PSMD7: variants seen among roughly 807,000 people sequenced by gnomAD.
PSMD7 encodes the protein 26S proteasome non-ATPase regulatory subunit 7.
In PSMD7, 13 loss-of-function variants were observed where a neutral mutation model predicts 36.4. The ratio of observed to expected loss-of-function variants is 0.36; its 90% confidence interval spans 0.23 to 0.57. PSMD7 has a LOEUF of 0.57. Among genes scored for constraint, PSMD7 ranks in the 20% least tolerant of loss-of-function variants. The pLI is 0.83. For synonymous variants in PSMD7, 186 were observed against 151.0 expected, an observed-to-expected ratio of 1.23 and a Z score of -1.70; for missense variants, 298 against 393.6, an observed-to-expected ratio of 0.76 and a Z score of 2.06.
At position 74,301,571 on chromosome 16, in the gene PSMD7, T is replaced by C. The variant is rs760488031; in HGVS notation, c.276T>C (p.Val92=). ...FKKVNARERI[V]GWYHTGPKLH... Reference sequence around the variant, plus strand: ...CCTTCCTAGCCAGGGAAAGAATAGTTGGCTGGTACCACACAGGCCCTAAAC... The same window carrying C: ...CCTTCCTAGCCAGGGAAAGAATAGTCGGCTGGTACCACACAGGCCCTAAAC... Residue 92 remains valine (V), a synonymous_variant, in exon 4 of 7, where the codon GTT becomes GTC. Coordinates refer to ENST00000219313, the MANE Select transcript of PSMD7 (RefSeq NM_002811.5). The C allele has an allele frequency of 6.2e-7, 1 of 1,612,998 alleles. No individual in the cohort carries two copies. The highest frequency in any genetic ancestry group is 2.2e-5 in the East Asian group (1 of 44,860).
At chr16:74,298,312 CAT>C (rs915033533) in intron 1 of PSMD7, among the ~76,000 whole-genome samples, 5 of 152,214 alleles carry the variant, frequency 3.3e-5, no homozygotes, top group African/African-American at 1.2e-4. Context: ...ACCTGTTGCA[CAT>C]GTTTCTAAGT....
intron 4 of PSMD7, among the ~76,000 whole-genome samples, 186 bp downstream of exon 4, chr16:74,301,838 C>A (rs1400120644): frequency 6.6e-6 from 1 of 152,036 alleles, no homozygotes; most frequent in African/African-American, 2.4e-5. Context: ...ATAGTTTATA[C>A]CTGCTAAGTA....
At chr16:74,298,377 C>G (rs1168838110) in intron 1 of PSMD7, among the ~76,000 whole-genome samples, 1 of 152,258 alleles carries the variant, frequency 6.6e-6, no homozygotes, top group Middle Eastern at 3.4e-3. Context: ...TTCAGAGCAT[C>G]TGCTATAAAG....
intron 1 of PSMD7, 82 bp from the exon 2 acceptor site, chr16:74,300,033 A>T: frequency 8.3e-7 from 1 of 1,201,572 alleles, no homozygotes; most frequent in Non-Finnish European, 1.2e-6. Context: ...TGTGCCATTG[A>T]TATTTCCCAT....
intron 1 of PSMD7, among the ~76,000 whole-genome samples, chr16:74,298,261 C>T (rs1268051237): frequency 2.6e-5 from 4 of 151,418 alleles, no homozygotes; most frequent in African/African-American, 9.7e-5. Context: ...TGAGGGTGTA[C>T]ATCCACCACC....
intron 2 of PSMD7, 92 bp downstream of exon 2, chr16:74,300,298 ACC>A: frequency 8.7e-7 from 1 of 1,144,380 alleles, no homozygotes; most frequent in Non-Finnish European, 1.3e-6. Context: ...TTTGACTACA[ACC>A]CAGAGATTGT....
chr16:74,302,642 C>A (rs1045543286), intron 5 of PSMD7, among the ~76,000 whole-genome samples: 1 of 152,050 alleles, frequency 6.6e-6, no homozygotes, highest in Admixed American at 6.6e-5. Context: ...ACTCAGGAGG[C>A]TGAGACGGGA....
chr16:74,305,065 T>C (rs1235387979), intron 6 of PSMD7: 1 of 614,508 alleles, frequency 1.6e-6, no homozygotes, highest in Non-Finnish European at 2.5e-6. Context: ...TATAATTGTT[T>C]TTTGAAAAAT....
intron 3 of PSMD7, 151 bp downstream of exon 3, chr16:74,301,295 A>G (rs1438780250): frequency 3.0e-6 from 2 of 668,724 alleles, no homozygotes; most frequent in African/African-American, 1.8e-5. Context: ...AGAATACATG[A>G]AAAACTAGAG....
intron 6 of PSMD7, among the ~76,000 whole-genome samples, chr16:74,304,948 G>A (rs1025543561): frequency 2.0e-5 from 3 of 152,188 alleles, no homozygotes; most frequent in Non-Finnish European, 4.4e-5. Context: ...AGCTGAGAGA[G>A]ACAGCTTCAG....
At chr16:74,300,471 T>C (rs118029597) in intron 2 of PSMD7, 5,364 of 466,754 alleles carry the variant, frequency 0.011, 95 homozygotes, top group Middle Eastern at 0.055. Context: ...CAAACAAAAG[T>C]GGCAGTATTC....
intron 5 of PSMD7, 81 bp downstream of exon 5, chr16:74,302,373 A>C (rs1485863539): frequency 1.7e-6 from 2 of 1,148,478 alleles, no homozygotes; most frequent in Non-Finnish European, 2.5e-6. Context: ...TTTTCAGGTC[A>C]ACAAATCCTT....
chr16:74,305,761 TG>T lies in PSMD7; in HGVS notation c.*29del, dbSNP rs1216304724. On this transcript the variant is annotated 3_prime_UTR_variant, in exon 7 of 7. Coordinates refer to ENST00000219313, the MANE Select transcript of PSMD7 (RefSeq NM_002811.5). Reference sequence around the variant, plus strand: ...CATGTATTAAATAGCTTTTTTAATTTGTAAATTAAAATCTTACAAACTAAAT... The same window carrying T: ...CATGTATTAAATAGCTTTTTTAATTTTAAATTAAAATCTTACAAACTAAAT... 1 of 1,411,084 alleles carries T rather than the reference TG, an allele frequency of 7.1e-7. No individual in the cohort carries two copies. The highest frequency in any genetic ancestry group is 1.4e-5 in the African/African-American group (1 of 69,246). 87.4% of individuals were successfully genotyped at this position (1,411,084 alleles called of 1,614,324 possible). A position where few individuals can be genotyped will look rare whatever the true frequency, so the allele number is the denominator to read the frequency against.
chr16:74,302,357 T>C, intron 5 of PSMD7, 65 bp downstream of exon 5: 1 of 1,329,010 alleles, frequency 7.5e-7, no homozygotes, highest in Non-Finnish European at 1.1e-6. Flanking sequence ...AGCTTTTTTT[T>C]TTCAATTTTC....
At chr16:74,303,066 G>A (rs1009328082) in intron 5 of PSMD7, among the ~76,000 whole-genome samples, 1 of 152,108 alleles carries the variant, frequency 6.6e-6, no homozygotes, top group South Asian at 2.1e-4. Flanking sequence ...GAGGTTGCTC[G>A]TACACATGCA....
rs757536415 is a variant in PSMD7, at chr16:74,305,445, G to A, written c.687G>A (p.Gln229=). The A allele has an allele frequency of 6.2e-7, 1 of 1,614,180 alleles. No individual in the cohort carries two copies. Among genetic ancestry groups the A allele is most frequent in the Non-Finnish European group, 8.5e-7 (1 of 1,180,030 alleles). ...KLPINHQIIY[Q]LQDVFNLLPD... ...CCATCAACCACCAGATCATCTACCAGCTGCAGGACGTCTTCAACCTGCTGC... is the reference window on the plus strand; with the variant it reads ...CCATCAACCACCAGATCATCTACCAACTGCAGGACGTCTTCAACCTGCTGC... Residue 229 remains glutamine (Q), a synonymous_variant, in exon 7 of 7, where the codon CAG becomes CAA. Coordinates refer to ENST00000219313, the MANE Select transcript of PSMD7 (RefSeq NM_002811.5).
At chr16:74,304,606 C>A (rs2034181208) in intron 6 of PSMD7, 1 of 459,224 alleles carries the variant, frequency 2.2e-6, no homozygotes, top group Non-Finnish European at 3.9e-6. Context: ...TGTAAAATGT[C>A]TTGAGTTACA....
At chr16:74,299,853 T>G (rs2034142122) in intron 1 of PSMD7, 1 of 529,522 alleles carries the variant, frequency 1.9e-6, no homozygotes. Context: ...TTTAAATTTC[T>G]GTGAAGTTTG....
At chr16:74,299,663 G>A in intron 1 of PSMD7, 1 of 420,608 alleles carries the variant, frequency 2.4e-6, no homozygotes. Flanking sequence ...CGAAGTGCTG[G>A]GATTACAGGC....
Sources: gnomAD v4.1 joint callset for allele counts (sites outside exome capture counted in the v4.1 genomes callset) on GRCh38, gnomAD v4.1.1 for gene constraint, MANE v1.5 for transcripts, NCBI Gene and HGNC (gene_info 2026-07-23, HGNC 2026-07-21) for gene names.